Variants in DIAPH2 observed in about 807,000 individuals in gnomAD.
DIAPH2 encodes the protein diaphanous related formin 2.
A neutral mutation model predicts 92.7 loss-of-function variants in DIAPH2; 35 were observed. That is an observed-to-expected ratio of 0.38 (90% CI 0.29 to 0.50). DIAPH2 has a LOEUF of 0.50. Ranked by LOEUF, DIAPH2 falls within the 20% of genes least tolerant of loss-of-function variation. DIAPH2 has a pLI of 0.94. For missense variants in DIAPH2, 701 were observed against 819.5 expected (o/e 0.86, Z 1.77); for synonymous variants, 301 against 280.4 (o/e 1.07, Z -0.73).
Position 97,393,930 on chromosome X carries a change from C to T in DIAPH2, c.3145+9886C>T, listed in dbSNP as rs772798770. 4.5e-5 allele frequency among the ~76,000 whole-genome samples: 5 copies of T among 111,671 alleles called. No individual in the cohort carries two copies. The East Asian group carries it at 1.1e-3, about 25-fold the overall frequency. On this transcript the variant is annotated intron_variant, in intron 25 of 26. Coordinates refer to ENST00000324765, the MANE Select transcript of DIAPH2 (RefSeq NM_006729.5). Reference sequence around the variant, plus strand: ...TAGTGTCATGATAAAGAATGAGGTACCTTAGATTTGATGAAAAATCAGTCT... The same window carrying T: ...TAGTGTCATGATAAAGAATGAGGTATCTTAGATTTGATGAAAAATCAGTCT...
chrX:96,849,785 A>G (rs2064995506), intron 4 of DIAPH2, among the ~76,000 whole-genome samples: 2 of 111,813 alleles, frequency 1.8e-5, no homozygotes, highest in Admixed American at 9.5e-5. Context: ...TGTGAAAACT[A>G]TTTGTGAATA....
At chrX:96,857,803 T>C (rs1436430940) in intron 4 of DIAPH2, among the ~76,000 whole-genome samples, 2 of 112,709 alleles carry the variant, frequency 1.8e-5, no homozygotes, top group Admixed American at 9.4e-5. Flanking sequence ...GTTTTCTTTG[T>C]TGTTATCTGC....
intron 19 of DIAPH2, among the ~76,000 whole-genome samples, chrX:97,099,173 T>G (rs2066889024): frequency 9.0e-6 from 1 of 111,079 alleles, no homozygotes; most frequent in Admixed American, 9.6e-5. Context: ...TTAAAAATTA[T>G]TCTAAACACG....
At chrX:97,348,013 A>T in intron 23 of DIAPH2, 103 bp from the exon 24 acceptor site, 1 of 786,038 alleles carries the variant, frequency 1.3e-6, no homozygotes, top group Non-Finnish European at 1.8e-6. Flanking sequence ...TTTGTGCATT[A>T]CTAATGTATT....
intron 23 of DIAPH2, among the ~76,000 whole-genome samples, chrX:97,264,953 A>G (rs2068323536): frequency 9.0e-6 from 1 of 111,443 alleles, no homozygotes; most frequent in East Asian, 2.8e-4. Flanking sequence ...ACTGCATTCC[A>G]GCCTGGGTGA....
Position 96,751,647 on chromosome X carries a change from G to GTTTTTTTTTTT in DIAPH2, c.343-6503_343-6502insTTTTTTTTTTT, listed in dbSNP as rs1332024432. On this transcript the variant is annotated intron_variant, in intron 3 of 26. Transcript: ENST00000324765. ...TATAAATGGTCAACTAGACTTCAGT[G>GTTTTTTTTTTT]TTTTGTTTTTTTTTTTTTTTTTTTG... Among the ~76,000 whole-genome samples the GTTTTTTTTTTT allele has an allele frequency of 5.9e-5, 5 of 85,016 alleles. 1 individual carries two copies. The highest frequency in any genetic ancestry group is 8.9e-4 in the East Asian group (2 of 2,239). 73.8% of individuals were successfully genotyped at this position (85,016 alleles called of 115,157 possible).
chrX:97,044,232 T>G (rs896899487), intron 17 of DIAPH2, among the ~76,000 whole-genome samples: 3 of 111,436 alleles, frequency 2.7e-5, no homozygotes, highest in Non-Finnish European at 5.7e-5. Flanking sequence ...ATATGTGATT[T>G]ATTTTTTTTT....
chrX:96,831,772 T>C (rs192158950), intron 4 of DIAPH2, among the ~76,000 whole-genome samples: 2 of 112,059 alleles, frequency 1.8e-5, no homozygotes, highest in Admixed American at 9.5e-5. Context: ...TCTGGGTCTT[T>C]AAACAACAGA....
chrX:96,992,732 C>T (rs1019633752), intron 17 of DIAPH2, among the ~76,000 whole-genome samples: 6 of 112,257 alleles, frequency 5.3e-5, no homozygotes, highest in Non-Finnish European at 1.1e-4. Context: ...ATGATCACAA[C>T]TGATTACAGC....
intron 26 of DIAPH2, among the ~76,000 whole-genome samples, chrX:97,446,675 A>G (rs1425131873): frequency 2.7e-5 from 3 of 111,096 alleles, no homozygotes; most frequent in Non-Finnish European, 5.7e-5. Context: ...TTATCTGTTT[A>G]CCTAAACTGA....
intron 23 of DIAPH2, among the ~76,000 whole-genome samples, chrX:97,340,443 C>T (rs759419845): frequency 9.0e-6 from 1 of 110,819 alleles, no homozygotes; most frequent in Non-Finnish European, 1.9e-5. Context: ...TAACCCAGAT[C>T]AAATCTCTAC....
At chrX:97,438,121 T>TAAAAAAAAAAA (rs762607670) in intron 26 of DIAPH2, among the ~76,000 whole-genome samples, 1 of 83,925 alleles carries the variant, frequency 1.2e-5, no homozygotes, top group African/African-American at 4.4e-5. Context: ...ACCCTCTCTT[T>TAAAAAAAAAAA]AAAAAAAAAA....
chrX:96,988,079 A>G (rs1296538193), intron 17 of DIAPH2, among the ~76,000 whole-genome samples: 1 of 109,542 alleles, frequency 9.1e-6, no homozygotes, highest in Non-Finnish European at 1.9e-5. Context: ...ACATTCTTAT[A>G]TTTAGAAATA....
At chrX:97,033,328 T>G (rs755105522) in intron 17 of DIAPH2, among the ~76,000 whole-genome samples, 10 of 111,426 alleles carry the variant, frequency 9.0e-5, no homozygotes, top group African/African-American at 3.3e-4. Context: ...CTTTTTTTCC[T>G]AAGTAAGATA....
intron 26 of DIAPH2, among the ~76,000 whole-genome samples, chrX:97,445,603 G>A (rs1480392388): frequency 9.6e-6 from 1 of 104,700 alleles, no homozygotes; most frequent in Non-Finnish European, 2.0e-5. Context: ...ATTGTTTTTT[G>A]TTGTTTTTTT....
intron 3 of DIAPH2, among the ~76,000 whole-genome samples, chrX:96,752,810 C>T (rs2064202141): frequency 9.0e-6 from 1 of 111,645 alleles, no homozygotes; most frequent in Non-Finnish European, 1.9e-5. Flanking sequence ...AGATGAAAAG[C>T]GGTTAAAAGG....
In DIAPH2 at chrX:97,146,497, A is replaced by G. The variant is rs745828949; in HGVS notation, c.2719+4703A>G. Among the ~76,000 whole-genome samples, 93 of 111,239 alleles carry G rather than the reference A, an allele frequency of 8.4e-4. 3 individuals are homozygous for G. Among genetic ancestry groups the G allele is most frequent in the African/African-American group, 2.9e-3 (89 of 30,686 alleles). Reference sequence around the variant, plus strand: ...CACATACCTACTTTGATAGAGTAAGATCTTTTCTGTGTGGTATAGCAAATA... The same window carrying G: ...CACATACCTACTTTGATAGAGTAAGGTCTTTTCTGTGTGGTATAGCAAATA... On this transcript the variant is annotated intron_variant, in intron 22 of 26. Transcript: ENST00000324765.
chrX:97,158,350 C>A (rs891843949), intron 22 of DIAPH2, among the ~76,000 whole-genome samples: 12 of 111,022 alleles, frequency 1.1e-4, no homozygotes, highest in African/African-American at 3.6e-4. Context: ...ATTGTCTTGT[C>A]CAGATTCTTG....
intron 26 of DIAPH2, among the ~76,000 whole-genome samples, chrX:97,445,558 C>T (rs1253695477): frequency 9.1e-6 from 1 of 109,805 alleles, no homozygotes; most frequent in African/African-American, 3.3e-5. Context: ...GCTGGGATTA[C>T]AGGTGCCCGC....
Sources: allele counts gnomAD v4.1 joint callset (sites outside exome capture counted in the v4.1 genomes callset), GRCh38; gene constraint gnomAD v4.1.1; transcripts MANE v1.5; gene names NCBI Gene and HGNC (gene_info 2026-07-23, HGNC 2026-07-21).